The following MICU1 variants were observed in gnomAD, a reference collection of about 807,000 sequenced individuals.
MICU1 encodes calcium uptake protein 1, mitochondrial.
A neutral mutation model predicts 56.8 loss-of-function variants in MICU1; 45 were observed. The observed-to-expected ratio is 0.79, with a 90% confidence interval of 0.62 to 1.02. MICU1 has a LOEUF of 1.02. Ranked by LOEUF, MICU1 falls within the 50% of genes least tolerant of loss-of-function variation. MICU1 has a pLI of 0.00. For missense variants in MICU1, 504 were observed against 587.1 expected, an observed-to-expected ratio of 0.86 and a Z score of 1.46; for synonymous variants, 186 against 195.1, an observed-to-expected ratio of 0.95 and a Z score of 0.39.
chr10:72,403,629 TTGTGTGTGTGTG>T (rs60373032), intron 10 of MICU1, among the ~76,000 whole-genome samples: 27 of 139,824 alleles, frequency 1.9e-4, no homozygotes, highest in African/African-American at 3.7e-4. Context: ...CATACCAAAA[TTGTGTGTGTGTG>T]TGTGTGTGTG....
At chr10:72,434,756 C>T (rs2132165782) in intron 8 of MICU1, among the ~76,000 whole-genome samples, 1 of 152,336 alleles carries the variant, frequency 6.6e-6, no homozygotes, top group East Asian at 1.9e-4. Context: ...TTTCCTCTAA[C>T]TCCATCAAAG....
At chr10:72,494,233 C>T (rs1348259769) in intron 6 of MICU1, among the ~76,000 whole-genome samples, 1 of 152,074 alleles carries the variant, frequency 6.6e-6, no homozygotes, top group African/African-American at 2.4e-5. Context: ...GCTGGCATTT[C>T]GCATAGTTCT....
intron 1 of MICU1, chr10:72,582,871 C>T (rs1840939465): frequency 6.6e-6 from 1 of 151,848 alleles, no homozygotes; most frequent in Admixed American, 6.6e-5. Flanking sequence ...ATCATCTGAG[C>T]CCAGGAGTTC....
rs1262620164 is a variant in MICU1, at chr10:72,376,667, A to G, written c.1181-795T>C. Among the ~76,000 whole-genome samples, 4 of 152,198 alleles carry G rather than the reference A, an allele frequency of 2.6e-5. No individual in the cohort carries two copies. The East Asian group carries it at 7.7e-4, about 29-fold the overall frequency. On this transcript the variant is annotated intron_variant, in intron 10 of 11. Transcript: ENST00000361114. ...AAAAAATAAAAAGTGCCTGATATTCAATTTATAGACAGAAAGTAGATTAGA... is the reference window on the plus strand; with the variant it reads ...AAAAAATAAAAAGTGCCTGATATTCGATTTATAGACAGAAAGTAGATTAGA...
chr10:72,474,950 C>G (rs943026970), intron 8 of MICU1, 150 bp downstream of exon 8: 5 of 639,488 alleles, frequency 7.8e-6, no homozygotes, highest in Non-Finnish European at 1.3e-5. Flanking sequence ...CATGTTGTTT[C>G]CTATCTGCTG....
chr10:72,562,366 T>C (rs1350085109), intron 3 of MICU1, among the ~76,000 whole-genome samples: 1 of 151,848 alleles, frequency 6.6e-6, no homozygotes, highest in Non-Finnish European at 1.5e-5. Context: ...ATTGGCCAGG[T>C]TGGTCTTGAA....
At chr10:72,476,152 A>C (rs7917451) in intron 7 of MICU1, among the ~76,000 whole-genome samples, 4 of 148,822 alleles carry the variant, frequency 2.7e-5, no homozygotes, top group African/African-American at 9.9e-5. Flanking sequence ...ACTTGAACCC[A>C]GGAGGTGGAG....
rs568712487 is a variant in MICU1, at chr10:72,437,371, G to T, written c.934-14000C>A. 2.4e-4 allele frequency among the ~76,000 whole-genome samples: 36 copies of T among 152,258 alleles called. No individual in the cohort carries two copies. The South Asian group carries it at 7.5e-3, about 32-fold the overall frequency. On this transcript the variant is annotated intron_variant, in intron 8 of 11. Coordinates refer to ENST00000361114, the MANE Select transcript of MICU1 (RefSeq NM_001195518.2). ...AAGAGATTTTGTCACCACCAGGCCT[G>T]ACTTACAGGAGCTCCTGAAGGAAGC... is the stretch of plus-strand genomic sequence containing the variant.
chr10:72,375,129 T>G (rs911403838), intron 11 of MICU1, among the ~76,000 whole-genome samples: 2 of 152,124 alleles, frequency 1.3e-5, no homozygotes, highest in African/African-American at 4.8e-5. Flanking sequence ...GTCTCAGCTT[T>G]CTCATCAGTA....
chr10:72,485,887 A>G (rs916579884), intron 6 of MICU1, among the ~76,000 whole-genome samples: 6 of 151,664 alleles, frequency 4.0e-5, no homozygotes, highest in Non-Finnish European at 8.8e-5. Context: ...TCAGTCACAC[A>G]CACACACACA....
At chr10:72,442,730 C>T (rs1864978325) in intron 8 of MICU1, among the ~76,000 whole-genome samples, 1 of 152,072 alleles carries the variant, frequency 6.6e-6, no homozygotes. Context: ...AAGGTCTAGA[C>T]CTAACAGAAG....
At chr10:72,544,655 C>A (rs754850124) in intron 4 of MICU1, among the ~76,000 whole-genome samples, 2 of 152,190 alleles carry the variant, frequency 1.3e-5, no homozygotes, top group Non-Finnish European at 2.9e-5. Context: ...ACTGCAATAG[C>A]AAGCACCACT....
intron 8 of MICU1, among the ~76,000 whole-genome samples, chr10:72,432,528 G>C (rs1438024205): frequency 2.0e-5 from 3 of 152,170 alleles, no homozygotes; most frequent in African/African-American, 7.2e-5. Context: ...GGTTCTGCAG[G>C]CTATAGGGGA....
At chr10:72,615,627 A>C (rs1841957692) in intron 1 of MICU1, among the ~76,000 whole-genome samples, 1 of 152,066 alleles carries the variant, frequency 6.6e-6, no homozygotes, top group Admixed American at 6.6e-5. Context: ...TTCATCTCAG[A>C]CATTATAGTT....
Position 72,551,185 on chromosome 10 carries a change from G to T in MICU1, c.487C>A (p.Pro163Thr). The T allele has an allele frequency of 6.3e-7, 1 of 1,598,068 alleles. No individual in the cohort carries two copies. Among genetic ancestry groups the T allele is most frequent in the Non-Finnish European group, 8.5e-7 (1 of 1,173,474 alleles). ...TTTCACTTTAGCAACTTACGTTCTGGTTGTTTTTCATTGGGTGTTATGGAT... is the reference window on the plus strand; with the variant it reads ...TTTCACTTTAGCAACTTACGTTCTGTTTGTTTTTCATTGGGTGTTATGGAT... ...VRSITPNEKQ[P>T]EHLGLDQYII... Residue 163 changes from proline to threonine, a missense_variant, in exon 4 of 12, where the codon CCA (proline) becomes ACA (threonine). By Grantham distance (38) the Pro-to-Thr change is conservative. Transcript: ENST00000361114.
intron 4 of MICU1, among the ~76,000 whole-genome samples, chr10:72,538,343 G>C (rs1839686395): frequency 6.6e-6 from 1 of 152,034 alleles, no homozygotes; most frequent in African/African-American, 2.4e-5. Context: ...AAAATGAACA[G>C]AGACTATAAA....
At chr10:72,533,154 GA>G in intron 5 of MICU1, 1 of 1,289,490 alleles carries the variant, frequency 7.8e-7, no homozygotes, top group Non-Finnish European at 1.0e-6. Flanking sequence ...TCTTTTTGGA[GA>G]ATCTGGCCTG....
rs113094461 is a variant in MICU1 at position 72,370,106 on chromosome 10, T to G, written c.1271-1751A>C. The stretch of plus-strand genomic sequence containing the variant: ...GTTAGCCAGGATGGTCTCAATCTCC[T>G]GACCTCATGATCCGCCCACCTTGGC... On this transcript the variant is annotated intron_variant, in intron 11 of 11. Transcript: ENST00000361114. 1.5e-3 allele frequency among the ~76,000 whole-genome samples: 235 copies of G among 152,228 alleles called. 1 individual carries two copies. The highest frequency in any genetic ancestry group is 5.1e-3 in the African/African-American group (212 of 41,546).
intron 6 of MICU1, among the ~76,000 whole-genome samples, chr10:72,481,573 G>A (rs192074624): frequency 1.9e-4 from 29 of 152,016 alleles, no homozygotes; most frequent in African/African-American, 5.3e-4. Context: ...CACCACCCCC[G>A]GCTAATTTTT....
Sources: gnomAD v4.1 joint callset for allele counts (sites outside exome capture counted in the v4.1 genomes callset) on GRCh38, gnomAD v4.1.1 for gene constraint, MANE v1.5 for transcripts, NCBI Gene and HGNC (gene_info 2026-07-23, HGNC 2026-07-21) for gene names.